Variants in SERPINB5 observed in about 807,000 individuals in gnomAD.
SERPINB5 encodes the protein serpin B5.
In SERPINB5, 27 loss-of-function variants were observed where a neutral mutation model predicts 32.2. The ratio of observed to expected loss-of-function variants is 0.84; its 90% CI spans 0.62 to 1.16. The LOEUF (loss-of-function observed/expected upper bound fraction) is 1.16. SERPINB5 is among the 50% of genes most tolerant of loss of function. The probability of loss-of-function intolerance (pLI) is 0.00; values close to 1 mark genes in which losing one functional copy is unlikely to be tolerated. For missense variants in SERPINB5, 388 were observed against 436.3 expected (o/e 0.89, Z 0.99); for synonymous variants, 154 against 157.4 (o/e 0.98, Z 0.16).
rs1230025148 is a variant in SERPINB5 at position 63,498,795 on chromosome 18, G to A, written c.568-325G>A. 6.6e-6 allele frequency among the ~76,000 whole-genome samples: 1 copy of A among 150,822 alleles called. No homozygotes were observed. Among genetic ancestry groups the A allele is most frequent in the Non-Finnish European group, 1.5e-5 (1 of 67,764 alleles). Reference sequence around the variant, plus strand: ...TATATTTATGTGTTTGCCTATATATGTGTATATATGTGCATGTGTGTATAT... The same window carrying A: ...TATATTTATGTGTTTGCCTATATATATGTATATATGTGCATGTGTGTATAT... On this transcript the variant is annotated intron_variant, in intron 5 of 6. Transcript: ENST00000382771. This position sits in a 1 kb window ranked among gnomAD's most constrained non-coding sequence, Gnocchi z 4.2.
chr18:63,488,489 T>G (rs1917248687), intron 3 of SERPINB5, among the ~76,000 whole-genome samples: 1 of 152,152 alleles, frequency 6.6e-6, no homozygotes. Flanking sequence ...TACAAAAGAT[T>G]TTTTAAAAGA....
At position 63,502,243 on chromosome 18, in the gene SERPINB5, C is replaced by G. The variant is rs150377288; in HGVS notation, c.736-1087C>G. Among the ~76,000 whole-genome samples the G allele has an allele frequency of 1.5e-3, 227 of 151,104 alleles. 1 individual carries two copies. Among genetic ancestry groups the G allele is most frequent in the African/African-American group, 5.2e-3 (214 of 41,168 alleles). On this transcript the variant is annotated intron_variant, in intron 6 of 6. Transcript: ENST00000382771. ...CTCCGCCTCCTGGGTTCATGCCATT[C>G]TCCTTCCTCAGCCTCCCGAGTAGCT...
At chr18:63,486,628 A>C in intron 2 of SERPINB5, 1 of 228,254 alleles carries the variant, frequency 4.4e-6, no homozygotes. Flanking sequence ...CAGTGGGGAC[A>C]ATTTGTCCTC....
In SERPINB5 at chr18:63,486,996, A is replaced by G; in HGVS notation, c.219A>G (p.Val73=). ...VKDVPFGFQT[V]TSDVNKLSSF... Reference sequence around the variant, plus strand: ...ATGTACCCTTTGGATTTCAAACAGTAACATCGGATGTAAACAAACTTAGTT... The same window carrying G: ...ATGTACCCTTTGGATTTCAAACAGTGACATCGGATGTAAACAAACTTAGTT... The change falls in exon 3 of 7, where the codon GTA becomes GTG. Residue 73 remains valine (V), a synonymous_variant. Transcript: ENST00000382771. The G allele has an allele frequency of 6.2e-7, 1 of 1,614,184 alleles. No homozygotes were observed. The highest frequency in any genetic ancestry group is 8.5e-7 in the Non-Finnish European group (1 of 1,179,996).
At chr18:63,497,812 G>C (rs1316988079) in intron 5 of SERPINB5, among the ~76,000 whole-genome samples, 1 of 152,092 alleles carries the variant, frequency 6.6e-6, no homozygotes, top group Non-Finnish European at 1.5e-5. Flanking sequence ...CTCCCCAGTG[G>C]TAACCATTAT....
rs141605181 is a variant in SERPINB5, at chr18:63,499,710, G to A, written c.735+423G>A. ...CAGGTTCTTAACTGAAGGCTAGAGT[G>A]TCTCCCTCACCTCCTAGGCAGTTAA... On this transcript the variant is annotated intron_variant, in intron 6 of 6. Coordinates refer to ENST00000382771, the MANE Select transcript of SERPINB5 (RefSeq NM_002639.5). 3.7e-3 allele frequency among the ~76,000 whole-genome samples: 569 copies of A among 152,228 alleles called. 2 individuals carry two copies. Among genetic ancestry groups the A allele is most frequent in the African/African-American group, 0.013 (524 of 41,552 alleles).
At chr18:63,493,312 AGCTG>A (rs1342389264) in intron 5 of SERPINB5, 1 of 623,392 alleles carries the variant, frequency 1.6e-6, no homozygotes, top group East Asian at 2.7e-5. Context: ...CAAGGATCTG[AGCTG>A]AGTGAAACTT....
intron 6 of SERPINB5, 76 bp downstream of exon 6, chr18:63,499,363 G>A (rs770344338): frequency 2.2e-5 from 29 of 1,312,042 alleles, no homozygotes; most frequent in Admixed American, 2.8e-5. Context: ...GTCTGTGTGG[G>A]CCGTGAGAGC....
At chr18:63,493,155 G>A in intron 5 of SERPINB5, 60 bp downstream of exon 5, 1 of 1,604,874 alleles carries the variant, frequency 6.2e-7, no homozygotes, top group Non-Finnish European at 8.5e-7. Context: ...AAAATGATAG[G>A]GACAGAGTGG....
At chr18:63,494,579 T>G (rs1909410191) in intron 5 of SERPINB5, among the ~76,000 whole-genome samples, 1 of 152,196 alleles carries the variant, frequency 6.6e-6, no homozygotes, top group African/African-American at 2.4e-5. Context: ...CTCCCAGTAG[T>G]TAGAGTACTT....
At position 63,502,327 on chromosome 18, in the gene SERPINB5, G is replaced by T. The variant is rs1909587265; in HGVS notation, c.736-1003G>T. 2.6e-5 allele frequency among the ~76,000 whole-genome samples: 4 copies of T among 151,916 alleles called. No homozygotes were observed. The South Asian group carries it at 8.3e-4, about 32-fold the overall frequency. The stretch of plus-strand genomic sequence containing the variant: ...ATTTTTTGTATTTTTAGTAGAGACG[G>T]GCTTTCACTGTGTTAGCCAGGATGG... On this transcript the variant is annotated intron_variant, in intron 6 of 6. Coordinates refer to ENST00000382771, the MANE Select transcript of SERPINB5 (RefSeq NM_002639.5).
Position 63,487,019 on chromosome 18 carries a change from G to GTTCCTTTT in SERPINB5, c.243_250dup (p.Tyr84PhefsTer6). The GTTCCTTTT allele has an allele frequency of 6.2e-7, 1 of 1,614,076 alleles. No individual in the cohort carries two copies. Among genetic ancestry groups the GTTCCTTTT allele is most frequent in the East Asian group, 2.2e-5 (1 of 44,882 alleles). ...GTAACATCGGATGTAAACAAACTTA[G>GTTCCTTTT]TTCCTTTTACTCACTGAAACTAATC... On this transcript the variant is annotated frameshift_variant, in exon 3 of 7. Coordinates refer to ENST00000382771, the MANE Select transcript of SERPINB5 (RefSeq NM_002639.5). LOFTEE classifies it high-confidence loss of function.
At chr18:63,499,418 A>G (rs932658060) in intron 6 of SERPINB5, 131 bp downstream of exon 6, 26 of 695,878 alleles carry the variant, frequency 3.7e-5, no homozygotes, top group Middle Eastern at 4.2e-4. Flanking sequence ...AGTCACCTCC[A>G]AGGACCCATG....
chr18:63,488,114 T>C (rs1917242768), intron 3 of SERPINB5, among the ~76,000 whole-genome samples: 1 of 152,202 alleles, frequency 6.6e-6, no homozygotes, highest in Non-Finnish European at 1.5e-5. Context: ...CACATTTTTA[T>C]TGCTGGCAGT....
At chr18:63,489,314 A>C (rs1333260198) in intron 3 of SERPINB5, 33 bp from the exon 4 acceptor site, 5 of 1,233,816 alleles carry the variant, frequency 4.1e-6, no homozygotes, top group Admixed American at 1.8e-5. Context: ...GCTTGACTAC[A>C]GACTCTGATT....
rs1599390660 is a variant in SERPINB5 at position 63,491,630 on chromosome 18, A to G, written c.425-1323A>G. On this transcript the variant is annotated intron_variant, in intron 4 of 6. Coordinates refer to ENST00000382771, the MANE Select transcript of SERPINB5 (RefSeq NM_002639.5). ...GCTGGGGCTACAGGTGCGTGCCACTACGCCCAGCTAATCTTTGTATTTTTA... is the reference window on the plus strand; with the variant it reads ...GCTGGGGCTACAGGTGCGTGCCACTGCGCCCAGCTAATCTTTGTATTTTTA... Among the ~76,000 whole-genome samples, 5 of 151,768 alleles carry G rather than the reference A, an allele frequency of 3.3e-5. No homozygotes were observed. In the South Asian group the frequency reaches 1.0e-3, roughly 32 times the overall value.
chr18:63,491,513 C>T (rs949419998), intron 4 of SERPINB5, among the ~76,000 whole-genome samples: 12 of 147,292 alleles, frequency 8.1e-5, no homozygotes, highest in African/African-American at 2.8e-4. Flanking sequence ...GTTGCTCTGT[C>T]GCCCAGGCTG....
intron 5 of SERPINB5, chr18:63,493,444 T>C: frequency 2.0e-6 from 1 of 498,662 alleles, no homozygotes; most frequent in East Asian, 3.1e-5. Context: ...GGACTTTGGA[T>C]TATCATGAAA....
chr18:63,487,331 C>T (rs1938194495), intron 3 of SERPINB5, among the ~76,000 whole-genome samples: 1 of 152,120 alleles, frequency 6.6e-6, no homozygotes, highest in South Asian at 2.1e-4. Flanking sequence ...AAATCTTACC[C>T]TTTCTTTTAC....
Sources: allele counts gnomAD v4.1 joint callset (sites outside exome capture counted in the v4.1 genomes callset), GRCh38; gene constraint gnomAD v4.1.1; non-coding constraint Gnocchi (gnomAD v3.1); transcripts MANE v1.5; gene names NCBI Gene and HGNC (gene_info 2026-07-23, HGNC 2026-07-21).